Variants in SETD7 observed in about 807,000 individuals in gnomAD.
SETD7 encodes the protein SET domain containing 7, histone lysine methyltransferase.
A neutral mutation model predicts 41.8 loss-of-function variants in SETD7; 16 were observed. That is an observed-to-expected ratio of 0.38 (90% confidence interval 0.26 to 0.58). The LOEUF (loss-of-function observed/expected upper bound fraction) is 0.58, where lower values mean the gene tolerates loss of function less well. Among genes scored for constraint, SETD7 ranks in the 20% least tolerant of loss-of-function variants. The pLI is 0.64. For synonymous variants in SETD7, 163 were observed against 169.7 expected, an observed-to-expected ratio of 0.96 and a Z score of 0.31; for missense variants, 346 against 459.7, an observed-to-expected ratio of 0.75 and a Z score of 2.26.
At chr4:139,540,794 T>A (rs951376330) in intron 2 of SETD7, among the ~76,000 whole-genome samples, 4 of 152,246 alleles carry the variant, frequency 2.6e-5, no homozygotes, top group African/African-American at 9.6e-5. Context: ...GCTAGAGGAC[T>A]GTCAGGAACA....
intron 2 of SETD7, among the ~76,000 whole-genome samples, chr4:139,538,549 G>A (rs867202691): frequency 8.6e-5 from 13 of 151,948 alleles, no homozygotes; most frequent in African/African-American, 3.1e-4. Flanking sequence ...AGCTGGTCTC[G>A]AACTCCTGAC....
intron 3 of SETD7, among the ~76,000 whole-genome samples, chr4:139,530,425 C>A (rs1727452292): frequency 6.9e-6 from 1 of 144,188 alleles, no homozygotes; most frequent in African/African-American, 2.6e-5. Flanking sequence ...ATGGCACTTA[C>A]ATAGAAAGAA....
intron 5 of SETD7, among the ~76,000 whole-genome samples, chr4:139,522,790 G>C (rs1727220154): frequency 8.5e-6 from 1 of 117,606 alleles, no homozygotes; most frequent in Admixed American, 1.2e-4. Context: ...GTCTTGCTCT[G>C]TTGCTCAGGC....
intron 1 of SETD7, among the ~76,000 whole-genome samples, chr4:139,551,540 T>C (rs1728110980): frequency 6.6e-6 from 1 of 152,200 alleles, no homozygotes; most frequent in Non-Finnish European, 1.5e-5. Context: ...GCCAGGCCTA[T>C]ATTCTAAGCA....
chr4:139,520,424 C>T lies in SETD7; in HGVS notation c.645-30G>A, dbSNP rs1348127705. 4.8e-5 allele frequency: 63 copies of T among 1,315,484 alleles called. 3 individuals are homozygous for T. The Admixed American group carries it at 1.2e-3, about 24-fold the overall frequency. The allele number at this position is 1,315,484 out of a possible 1,614,324, so 81.5% of individuals were successfully genotyped here. ...ATTGAAAAAAGAGTTGAATAGTGAC[C>T]TTTTCAGCTTAATATGTCATTCCTT... On this transcript the variant is annotated intron_variant, in intron 5 of 7. Coordinates refer to ENST00000274031, the MANE Select transcript of SETD7 (RefSeq NM_030648.4).
At chr4:139,530,821 A>G (rs1367610456) in intron 3 of SETD7, among the ~76,000 whole-genome samples, 2 of 152,334 alleles carry the variant, frequency 1.3e-5, no homozygotes, top group East Asian at 3.9e-4. Context: ...CCTTATATGA[A>G]AAACTTTTTC....
chr4:139,535,513 G>A (rs1727613842), intron 2 of SETD7, among the ~76,000 whole-genome samples: 1 of 152,114 alleles, frequency 6.6e-6, no homozygotes, highest in Non-Finnish European at 1.5e-5. Context: ...ATTTCTCAGG[G>A]TTATGATCAA....
At chr4:139,536,936 G>C (rs1384816649) in intron 2 of SETD7, among the ~76,000 whole-genome samples, 3 of 152,210 alleles carry the variant, frequency 2.0e-5, no homozygotes, top group Non-Finnish European at 2.9e-5. Flanking sequence ...CCAAGAGGCA[G>C]AGGTTGCAGC....
intron 2 of SETD7, among the ~76,000 whole-genome samples, chr4:139,544,607 A>G (rs1427034184): frequency 6.6e-6 from 1 of 152,166 alleles, no homozygotes; most frequent in Non-Finnish European, 1.5e-5. Flanking sequence ...TGAGGGGATC[A>G]GCATCTTGAA....
chr4:139,514,258 T>G (rs191266593), intron 7 of SETD7, among the ~76,000 whole-genome samples: 1 of 152,000 alleles, frequency 6.6e-6, no homozygotes, highest in East Asian at 1.9e-4. Context: ...GCACTCCAGT[T>G]TGGATGACAG....
chr4:139,556,067 T>G lies in SETD7; in HGVS notation c.40+31A>C, dbSNP rs1417407974. 3 of 1,577,284 alleles carry G rather than the reference T, an allele frequency of 1.9e-6. No homozygotes were observed. The Admixed American group carries it at 5.3e-5, about 28-fold the overall frequency. The stretch of plus-strand genomic sequence containing the variant: ...TTCCGCGCTCCAGGCCCTCTGCGCC[T>G]CCTCCCCCGGCCCCGGAGAAATGCT... On this transcript the variant is annotated intron_variant, in intron 1 of 7. Coordinates refer to ENST00000274031, the MANE Select transcript of SETD7 (RefSeq NM_030648.4).
At chr4:139,517,383 G>A (rs1183930432) in intron 7 of SETD7, among the ~76,000 whole-genome samples, 2 of 151,252 alleles carry the variant, frequency 1.3e-5, no homozygotes, top group Non-Finnish European at 2.9e-5. Context: ...GCTGAGGCAG[G>A]AGAATCGCTT....
rs181936490 is a variant in SETD7 at position 139,511,339 on chromosome 4, C to T, written c.*324G>A. 4 of 303,200 alleles carry T rather than the reference C, an allele frequency of 1.3e-5. No homozygotes were observed. The highest frequency in any genetic ancestry group is 5.6e-5 in the Admixed American group (1 of 17,840). The allele number at this position is 303,200 out of a possible 1,614,324, so 18.8% of individuals were successfully genotyped here. On this transcript the variant is annotated 3_prime_UTR_variant, in exon 8 of 8. Coordinates refer to ENST00000274031, the MANE Select transcript of SETD7 (RefSeq NM_030648.4). The stretch of plus-strand genomic sequence containing the variant: ...CTGACTAAAAATGACTGAAAAACCC[C>T]GTTTCCCTGTTTCAGTCTAATCATT...
At chr4:139,515,841 T>C (rs192777373) in intron 7 of SETD7, among the ~76,000 whole-genome samples, 54 of 152,332 alleles carry the variant, frequency 3.5e-4, no homozygotes, top group Admixed American at 1.0e-3. Flanking sequence ...ATTTTGCTTA[T>C]GCTAACAAGC....
At chr4:139,520,731 CA>C (rs1560680002) in intron 5 of SETD7, among the ~76,000 whole-genome samples, 1 of 152,086 alleles carries the variant, frequency 6.6e-6, no homozygotes, top group Non-Finnish European at 1.5e-5. Flanking sequence ...CCTTACTGGA[CA>C]AGTAAACATT....
chr4:139,540,384 A>C (rs1191602946), intron 2 of SETD7, among the ~76,000 whole-genome samples: 1 of 152,198 alleles, frequency 6.6e-6, no homozygotes, highest in East Asian at 1.9e-4. Flanking sequence ...GAGTAACTTC[A>C]AGGAAAATTA....
chr4:139,518,074 G>C (rs1238164715), intron 6 of SETD7, 32 bp from the exon 7 acceptor site: 2 of 1,592,032 alleles, frequency 1.3e-6, no homozygotes, highest in Admixed American at 1.8e-5. Context: ...GCCTTAGAGA[G>C]GACCTTTCTC....
chr4:139,527,026 T>C (rs933907812), intron 4 of SETD7, among the ~76,000 whole-genome samples: 5 of 152,212 alleles, frequency 3.3e-5, no homozygotes, highest in African/African-American at 1.2e-4. Context: ...TTTTGAGAAA[T>C]GTGTCATGAG....
At chr4:139,516,040 C>T (rs1031709160) in intron 7 of SETD7, among the ~76,000 whole-genome samples, 3 of 151,932 alleles carry the variant, frequency 2.0e-5, no homozygotes, top group African/African-American at 7.3e-5. Context: ...GTTCAGGGGT[C>T]ATGTAAAAAC....
Sources: allele counts gnomAD v4.1 joint callset (sites outside exome capture counted in the v4.1 genomes callset), GRCh38; gene constraint gnomAD v4.1.1; transcripts MANE v1.5; gene names NCBI Gene and HGNC (gene_info 2026-07-23, HGNC 2026-07-21).